The following SGIP1 variants were observed in gnomAD, a reference collection of about 807,000 sequenced individuals.
SGIP1 encodes SH3GL interacting endocytic adaptor 1, also known as SH3-containing GRB2-like protein 3-interacting protein 1.
SGIP1 carries 38 observed loss-of-function variants against 107.5 expected under a neutral mutation model. The ratio of observed to expected loss-of-function variants is 0.35; its 90% CI spans 0.27 to 0.46. SGIP1 has a LOEUF of 0.46. Ranked by LOEUF, SGIP1 falls within the 20% of genes least tolerant of loss-of-function variation. SGIP1 has a pLI of 1.00. For synonymous variants in SGIP1, 365 were observed against 366.1 expected (o/e 1.00, Z 0.03); for missense variants, 929 against 1,019.5 (o/e 0.91, Z 1.21).
intron 1 of SGIP1, among the ~76,000 whole-genome samples, chr1:66,601,489 G>T (rs1271353783): frequency 6.6e-6 from 1 of 151,948 alleles, no homozygotes; most frequent in Non-Finnish European, 1.5e-5. Context: ...GTCAGAGTTG[G>T]GGAGGGGTTA....
At chr1:66,716,779 A>G (rs2093269820) in intron 18 of SGIP1, among the ~76,000 whole-genome samples, 1 of 152,068 alleles carries the variant, frequency 6.6e-6, no homozygotes, top group Admixed American at 6.6e-5. Context: ...ATCAAAAAGG[A>G]ATTATGATTT....
In SGIP1 at chr1:66,557,527, T is replaced by A. The variant is rs951570853; in HGVS notation, c.10+23159T>A. On this transcript the variant is annotated intron_variant, in intron 1 of 24. Coordinates refer to ENST00000371037, the MANE Select transcript of SGIP1 (RefSeq NM_032291.4). ...ATCCTCTCCTACACATGTTTGGGTC[T>A]CTTAGACAGAACATACAAAGCATTC... is the stretch of plus-strand genomic sequence containing the variant. 4.6e-5 allele frequency among the ~76,000 whole-genome samples: 7 copies of A among 152,248 alleles called. No homozygotes were observed. In the East Asian group the frequency reaches 1.2e-3, roughly 25 times the overall value.
At chr1:66,741,921 C>T (rs1048866338) in intron 24 of SGIP1, among the ~76,000 whole-genome samples, 1 of 152,050 alleles carries the variant, frequency 6.6e-6, no homozygotes, top group African/African-American at 2.4e-5. Context: ...GCGCCCACCA[C>T]CACGCATGGC....
At chr1:66,741,943 A>G (rs1280895323) in intron 24 of SGIP1, among the ~76,000 whole-genome samples, 1 of 151,520 alleles carries the variant, frequency 6.6e-6, no homozygotes, top group African/African-American at 2.4e-5. Flanking sequence ...AATTTTTTGT[A>G]TTTTAGTAGA....
Position 66,642,878 on chromosome 1 carries a change from A to AT in SGIP1, c.283+21dup. The AT allele has an allele frequency of 1.3e-6, 2 of 1,596,642 alleles. No individual in the cohort carries two copies. The highest frequency in any genetic ancestry group is 1.1e-5 in the South Asian group (1 of 88,808). On this transcript the variant is annotated intron_variant, in intron 6 of 24. Transcript: ENST00000371037. Reference sequence around the variant, plus strand: ...AGGAACCCGGCTATATCCTTTCTTTATTTTTTTATTTTAATTTTCATTCAC... The same window carrying AT: ...AGGAACCCGGCTATATCCTTTCTTTATTTTTTTTATTTTAATTTTCATTCAC...
rs1402337897 is a variant in SGIP1, at chr1:66,673,349, A to G, written c.629A>G (p.Asp210Gly). ...GGCCCACCACTAGAATCAGCTTTTG[A>G]TGAACAGAAGACAGAAGGTAGGAAA... ...LFGPPLESAF[D>G]EQKTEVLLDQ... Residue 210 changes from aspartate to glycine, a missense_variant, in exon 12 of 25, where the codon GAT (aspartate) becomes GGT (glycine). This residue lies in a region of SGIP1 where 588 missense variants were observed against 588.6 expected (regional missense o/e 1.00). Coordinates refer to ENST00000371037, the MANE Select transcript of SGIP1 (RefSeq NM_032291.4). The G allele has an allele frequency of 6.2e-7, 1 of 1,611,298 alleles. No homozygotes were observed. Among genetic ancestry groups the G allele is most frequent in the Non-Finnish European group, 8.5e-7 (1 of 1,179,408 alleles).
At position 66,750,348 on chromosome 1, in the gene SGIP1, T is replaced by C. The variant is rs542169502; in HGVS notation, c.*7253T>C. ...TCTTACTAAGTGGCCATGTAAGGCATTGATTTTTTTTAAACTTGAACAATG... is the reference window on the plus strand; with the variant it reads ...TCTTACTAAGTGGCCATGTAAGGCACTGATTTTTTTTAAACTTGAACAATG... On this transcript the variant is annotated 3_prime_UTR_variant, in exon 25 of 25. Coordinates refer to ENST00000371037, the MANE Select transcript of SGIP1 (RefSeq NM_032291.4). Among the ~76,000 whole-genome samples, 2 of 152,330 alleles carry C rather than the reference T, an allele frequency of 1.3e-5. No homozygotes were observed. The highest frequency in any genetic ancestry group is 2.1e-4 in the South Asian group (1 of 4,822).
chr1:66,667,803 G>T (rs1226931642), intron 9 of SGIP1, among the ~76,000 whole-genome samples: 1 of 152,156 alleles, frequency 6.6e-6, no homozygotes, highest in Non-Finnish European at 1.5e-5. Flanking sequence ...TATATGGAGT[G>T]TGTGTGTATA....
chr1:66,649,813 G>C (rs1056511340), intron 7 of SGIP1, among the ~76,000 whole-genome samples: 5 of 152,086 alleles, frequency 3.3e-5, no homozygotes, highest in African/African-American at 1.2e-4. Flanking sequence ...TTCCCTTTAA[G>C]ATAATTTGAG....
rs2074547284 is a variant in SGIP1 at position 66,631,092 on chromosome 1, AAAG to A, written c.75-1975_75-1973del. The stretch of plus-strand genomic sequence containing the variant: ...GAAAGAAAGAAAGAAAGAAAGAAAG[AAAG>A]AAAGAAAAAAAGAAAGACTGACTCA... On this transcript the variant is annotated intron_variant, in intron 2 of 24. Coordinates refer to ENST00000371037, the MANE Select transcript of SGIP1 (RefSeq NM_032291.4). Among the ~76,000 whole-genome samples the A allele has an allele frequency of 2.1e-5, 3 of 141,864 alleles. No individual in the cohort carries two copies. In the East Asian group the frequency reaches 7.5e-4, roughly 35 times the overall value. 93.1% of individuals were successfully genotyped at this position (141,864 alleles called of 152,430 possible).
At chr1:66,647,716 G>C (rs979642137) in intron 7 of SGIP1, among the ~76,000 whole-genome samples, 11 of 152,126 alleles carry the variant, frequency 7.2e-5, no homozygotes, top group Non-Finnish European at 1.5e-4. Context: ...ATACCGTGCT[G>C]CTTGTTAGCT....
At chr1:66,739,300 A>G (rs1409980403) in intron 21 of SGIP1, 35 bp from the exon 22 acceptor site, 3 of 1,598,970 alleles carry the variant, frequency 1.9e-6, no homozygotes, top group Admixed American at 1.7e-5. Context: ...CATCCCTGTC[A>G]TATGTTGTTA....
rs71575497 is a variant in SGIP1 at position 66,659,996 on chromosome 1, AAGACAGACAGACAGAC to A, written c.460-510_460-495del. The A allele has an allele frequency of 1.6e-3, 87 of 54,620 alleles. 2 individuals carry two copies. The highest frequency in any genetic ancestry group is 3.4e-3 in the African/African-American group (26 of 7,626). The allele number at this position is 54,620 out of a possible 1,614,324, so 3.4% of individuals were successfully genotyped here. Reference sequence around the variant, plus strand: ...AAAGAAAGAAAGAAAGAAAGAAAGAAAGACAGACAGACAGACAGACAGGAAGGAAGGAAGGAAGGAA... The same window carrying A: ...AAAGAAAGAAAGAAAGAAAGAAAGAAAGACAGGAAGGAAGGAAGGAAGGAA... On this transcript the variant is annotated intron_variant, in intron 7 of 24. Coordinates refer to ENST00000371037, the MANE Select transcript of SGIP1 (RefSeq NM_032291.4).
At chr1:66,653,894 G>C (rs1188562788) in intron 7 of SGIP1, among the ~76,000 whole-genome samples, 1 of 152,172 alleles carries the variant, frequency 6.6e-6, no homozygotes, top group Non-Finnish European at 1.5e-5. Flanking sequence ...AATGTGCTCT[G>C]TAAAGAAGCA....
At chr1:66,542,313 T>A (rs1240716560) in intron 1 of SGIP1, among the ~76,000 whole-genome samples, 1 of 152,152 alleles carries the variant, frequency 6.6e-6, no homozygotes, top group Non-Finnish European at 1.5e-5. Context: ...AGAACAGTTA[T>A]AACAATCTGC....
intron 1 of SGIP1, among the ~76,000 whole-genome samples, chr1:66,574,182 T>C (rs1307355636): frequency 6.6e-6 from 1 of 152,200 alleles, no homozygotes; most frequent in African/African-American, 2.4e-5. Context: ...TGTAATCATC[T>C]GGCAGATGGG....
At chr1:66,644,355 AAAAG>A (rs1164692241) in intron 7 of SGIP1, among the ~76,000 whole-genome samples, 2 of 152,054 alleles carry the variant, frequency 1.3e-5, no homozygotes, top group African/African-American at 4.8e-5. Context: ...GTAAAAAAAA[AAAAG>A]AGATTATTTT....
intron 5 of SGIP1, 72 bp from the exon 6 acceptor site, chr1:66,642,738 A>C: frequency 7.8e-7 from 1 of 1,288,394 alleles, no homozygotes; most frequent in Non-Finnish European, 1.1e-6. Flanking sequence ...TAAATAGAAG[A>C]CTCTAGAAAA....
chr1:66,660,903 G>A (rs192008361), intron 8 of SGIP1, among the ~76,000 whole-genome samples: 2 of 152,302 alleles, frequency 1.3e-5, no homozygotes, highest in Non-Finnish European at 2.9e-5. Flanking sequence ...TTTGATTAGC[G>A]TACAACATAG....
Sources: allele counts gnomAD v4.1 joint callset (sites outside exome capture counted in the v4.1 genomes callset), GRCh38; gene constraint gnomAD v4.1.1; regional missense constraint gnomAD v4.1.1; transcripts MANE v1.5; gene names NCBI Gene and HGNC (gene_info 2026-07-23, HGNC 2026-07-21).